Variants in SASH1 observed in about 807,000 individuals in gnomAD.
SASH1 encodes the protein SAM and SH3 domain-containing protein 1.
A neutral mutation model predicts 125.2 loss-of-function variants in SASH1; 44 were observed. The observed-to-expected ratio is 0.35, with a 90% CI of 0.28 to 0.45. The LOEUF (loss-of-function observed/expected upper bound fraction) is 0.45. Ranked by LOEUF, SASH1 falls within the 20% of genes least tolerant of loss-of-function variation. The probability of loss-of-function intolerance (pLI) is 1.00; values close to 1 mark genes in which losing one functional copy is unlikely to be tolerated. For missense variants in SASH1, 1,426 were observed against 1,614.5 expected, an observed-to-expected ratio of 0.88 and a Z score of 2.00; for synonymous variants, 639 against 649.1, an observed-to-expected ratio of 0.98 and a Z score of 0.24.
chr6:148,207,972 C>T, the SASH1 span, among the ~76,000 whole-genome samples: 1 of 152,150 alleles, frequency 6.6e-6, no homozygotes, highest in South Asian at 2.1e-4. Flanking sequence ...GCCTCAGAGA[C>T]CATGACTGCA....
At chr6:148,368,795 C>CACACACACACACACAT (rs60468439) in intron 1 of SASH1, among the ~76,000 whole-genome samples, 2 of 151,810 alleles carry the variant, frequency 1.3e-5, no homozygotes, top group Admixed American at 6.6e-5. Flanking sequence ...CACACACACA[C>CACACACACACACACAT]GGGGTTCTAT....
chr6:148,272,609 T>C (rs773790261), intron 1 of SASH1, among the ~76,000 whole-genome samples: 15 of 152,174 alleles, frequency 9.9e-5, no homozygotes, highest in South Asian at 2.1e-4. Context: ...CCATTCATTA[T>C]ATAAGATATA....
At chr6:148,279,025 C>T (rs1440786156) in intron 1 of SASH1, among the ~76,000 whole-genome samples, 1 of 151,756 alleles carries the variant, frequency 6.6e-6, no homozygotes, top group African/African-American at 2.4e-5. Context: ...CAGAGTCTCG[C>T]TCTGTTGCCC....
intron 1 of SASH1, among the ~76,000 whole-genome samples, chr6:148,315,725 G>A (rs1383755295): frequency 1.3e-5 from 2 of 152,134 alleles, no homozygotes; most frequent in African/African-American, 4.8e-5. Flanking sequence ...GCAACATAGT[G>A]AGACCCCATC....
At chr6:148,512,702 C>G in intron 8 of SASH1, 1 of 985,350 alleles carries the variant, frequency 1.0e-6, no homozygotes, top group Non-Finnish European at 1.2e-6. Flanking sequence ...CCTGGGAGTC[C>G]AGTTCCCATT....
intron 5 of SASH1, among the ~76,000 whole-genome samples, chr6:148,470,738 G>A (rs75168939): frequency 6.6e-6 from 1 of 152,136 alleles, no homozygotes; most frequent in East Asian, 1.9e-4. Flanking sequence ...ATGACACAGC[G>A]GGATTGCAGT....
At chr6:148,194,572 T>C in the SASH1 span, among the ~76,000 whole-genome samples, 2 of 152,244 alleles carry the variant, frequency 1.3e-5, no homozygotes, top group East Asian at 3.8e-4. Flanking sequence ...TCTGTGAGCA[T>C]ACTGAAACAT....
intron 1 of SASH1, among the ~76,000 whole-genome samples, chr6:148,308,743 A>G (rs1315779376): frequency 6.6e-6 from 1 of 150,884 alleles, no homozygotes; most frequent in Non-Finnish European, 1.5e-5. Context: ...CTTGTGATGT[A>G]GTTTCTCATG....
At chr6:148,443,065 C>T (rs1437352265) in intron 4 of SASH1, among the ~76,000 whole-genome samples, 2 of 150,868 alleles carry the variant, frequency 1.3e-5, no homozygotes, top group Admixed American at 6.7e-5. Context: ...GATGAGCCAC[C>T]GTGCCAGCTG....
intron 2 of SASH1, among the ~76,000 whole-genome samples, chr6:148,399,188 C>T (rs1583087393): frequency 7.0e-6 from 1 of 143,278 alleles, no homozygotes; most frequent in Non-Finnish European, 1.5e-5. Context: ...TCAGATTTTT[C>T]AAATGTGCAT....
At chr6:148,524,139 G>A (rs1780992571) in intron 10 of SASH1, among the ~76,000 whole-genome samples, 1 of 122,936 alleles carries the variant, frequency 8.1e-6, no homozygotes, top group Non-Finnish European at 1.8e-5. Flanking sequence ...TAATGAATAA[G>A]CAATGCTTAT....
At chr6:148,217,303 G>A in the SASH1 span, among the ~76,000 whole-genome samples, 7 of 152,162 alleles carry the variant, frequency 4.6e-5, no homozygotes, top group Non-Finnish European at 8.8e-5. Context: ...ACAATAATAT[G>A]CATAGCATAG....
chr6:148,533,019 G>A lies in SASH1; in HGVS notation c.1734+53G>A. ...CTAACTGGGCTCTTCCATTTCTCTAGGAGGCTTTCTTTCCTCCTCACTGTT... is the reference window on the plus strand; with the variant it reads ...CTAACTGGGCTCTTCCATTTCTCTAAGAGGCTTTCTTTCCTCCTCACTGTT... On this transcript the variant is annotated intron_variant, in intron 14 of 19. Coordinates refer to ENST00000367467, the MANE Select transcript of SASH1 (RefSeq NM_015278.5). This position sits in a 1 kb window ranked among gnomAD's most constrained non-coding sequence, Gnocchi z 6.2. The A allele has an allele frequency of 6.3e-7, 1 of 1,588,034 alleles. No homozygotes were observed. The highest frequency in any genetic ancestry group is 8.6e-7 in the Non-Finnish European group (1 of 1,158,922).
At chr6:148,505,359 G>T (rs1180270939) in intron 8 of SASH1, among the ~76,000 whole-genome samples, 1 of 152,240 alleles carries the variant, frequency 6.6e-6, no homozygotes. Flanking sequence ...TGTCACCCAG[G>T]CTGGAGTGCA....
intron 1 of SASH1, among the ~76,000 whole-genome samples, chr6:148,330,252 G>T (rs906793502): frequency 2.0e-5 from 3 of 152,212 alleles, no homozygotes; most frequent in Non-Finnish European, 4.4e-5. Context: ...CTCTGGATAA[G>T]ACTGTAATGA....
At chr6:148,357,953 G>A (rs1782010337) in intron 1 of SASH1, among the ~76,000 whole-genome samples, 1 of 151,428 alleles carries the variant, frequency 6.6e-6, no homozygotes, top group African/African-American at 2.4e-5. Context: ...CCAGCTACTC[G>A]GGAGGGTGCG....
At chr6:148,477,743 G>T (rs1778431541) in intron 7 of SASH1, among the ~76,000 whole-genome samples, 1 of 134,692 alleles carries the variant, frequency 7.4e-6, no homozygotes, top group Non-Finnish European at 1.5e-5. Context: ...TGTCGCCCAG[G>T]TTGGAGTGCA....
intron 2 of SASH1, among the ~76,000 whole-genome samples, chr6:148,408,031 A>G (rs922526258): frequency 6.6e-6 from 1 of 152,166 alleles, no homozygotes; most frequent in Non-Finnish European, 1.5e-5. Context: ...CATCCTTGCT[A>G]ACACTTTTTT....
intron 8 of SASH1, among the ~76,000 whole-genome samples, chr6:148,493,053 C>G (rs1306734913): frequency 1.3e-5 from 2 of 152,162 alleles, no homozygotes; most frequent in African/African-American, 4.8e-5. Context: ...TCCAGAAGTT[C>G]TGAAGAGTGA....
Sources: allele counts gnomAD v4.1 joint callset (sites outside exome capture counted in the v4.1 genomes callset), GRCh38; gene constraint gnomAD v4.1.1; non-coding constraint Gnocchi (gnomAD v3.1); transcripts MANE v1.5; gene names NCBI Gene and HGNC (gene_info 2026-07-23, HGNC 2026-07-21).